Variants in EXOC3L4 observed in about 807,000 individuals in gnomAD.
EXOC3L4 encodes exocyst complex component 3 like 4, also known as exocyst complex component 3-like protein 4.
EXOC3L4 carries 62 observed loss-of-function variants against 69.7 expected under a neutral mutation model. That is an observed-to-expected ratio of 0.89 (90% CI 0.72 to 1.10). The LOEUF is 1.10. Among genes scored for constraint, EXOC3L4 ranks in the 50% least tolerant of loss-of-function variants. EXOC3L4 has a pLI of 0.00. For synonymous variants in EXOC3L4, 502 were observed against 464.2 expected, an observed-to-expected ratio of 1.08 and a Z score of -1.05; for missense variants, 1,087 against 1,034.8, an observed-to-expected ratio of 1.05 and a Z score of -0.69.
chr14:103,110,106 T>G lies in EXOC3L4; in HGVS notation c.2052T>G (p.Thr684=). ...RQRNQHLLQH[T]QDLLRAAAGA... ...GGAACCAGCATCTCTTGCAGCACAC[T>G]CAAGACCTGCTGAGAGCTGCGGCCG... Residue 684 remains threonine (T), a synonymous_variant, in exon 12 of 12, where the codon ACT becomes ACG. Coordinates refer to ENST00000688303, the MANE Select transcript of EXOC3L4 (RefSeq NM_001077594.2). The G allele has an allele frequency of 1.9e-6, 3 of 1,587,908 alleles. No homozygotes were observed. The highest frequency in any genetic ancestry group is 2.3e-5 in the South Asian group (2 of 87,578).
rs1414847685 is a variant in EXOC3L4, at chr14:103,097,632, C to T, written c.-16-2572C>T. Among the ~76,000 whole-genome samples the T allele has an allele frequency of 6.6e-6, 1 of 152,166 alleles. No individual in the cohort carries two copies. Among genetic ancestry groups the T allele is most frequent in the Non-Finnish European group, 1.5e-5 (1 of 68,026 alleles). On this transcript the variant is annotated intron_variant, in intron 1 of 11. Transcript: ENST00000688303. The surrounding 1 kb of genome is among the most constrained non-coding windows in gnomAD (Gnocchi z 4.9). ...GACCGGGGTAGATGGACAGAGGCTG[C>T]CAGCCCAGTGCAGGAGGGCCACATC...
At chr14:103,098,013 C>T (rs1037523575) in intron 1 of EXOC3L4, among the ~76,000 whole-genome samples, 1 of 151,988 alleles carries the variant, frequency 6.6e-6, no homozygotes, top group Non-Finnish European at 1.5e-5. Flanking sequence ...TGGACTTTTG[C>T]TTTGGGAAGG....
intron 1 of EXOC3L4, among the ~76,000 whole-genome samples, chr14:103,098,224 C>T (rs544438450): frequency 5.9e-5 from 9 of 152,212 alleles, no homozygotes; most frequent in African/African-American, 1.9e-4. Context: ...ACCCGGCGCT[C>T]GTCTGGGCTT....
chr14:103,095,640 G>A (rs1228835818), intron 1 of EXOC3L4, among the ~76,000 whole-genome samples: 2 of 152,236 alleles, frequency 1.3e-5, no homozygotes, highest in East Asian at 3.8e-4. Context: ...GCCAAGCTAA[G>A]GATGGAGCTG....
At chr14:103,103,548 G>A (rs1375343963) in intron 3 of EXOC3L4, 2 of 173,310 alleles carry the variant, frequency 1.2e-5, no homozygotes, top group Non-Finnish European at 2.4e-5. Flanking sequence ...CCACGGAGGT[G>A]GGGGAGGTTG....
intron 3 of EXOC3L4, 152 bp from the exon 4 acceptor site, chr14:103,103,789 C>CGTGTGTGTGTGTGTGT (rs1434118475): frequency 4.3e-6 from 2 of 461,024 alleles, no homozygotes; most frequent in African/African-American, 4.9e-5. Flanking sequence ...AGCCTAGAGG[C>CGTGTGTGTGTGTGTGT]GCGCGCGCGT....
intron 2 of EXOC3L4, among the ~76,000 whole-genome samples, chr14:103,101,219 T>A (rs1890171905): frequency 6.6e-6 from 1 of 152,130 alleles, no homozygotes; most frequent in Non-Finnish European, 1.5e-5. Flanking sequence ...TTTTTAAATT[T>A]GTTTTTATTT....
chr14:103,099,275 A>G (rs1566945063), intron 1 of EXOC3L4, among the ~76,000 whole-genome samples: 1 of 152,146 alleles, frequency 6.6e-6, no homozygotes, highest in Non-Finnish European at 1.5e-5. Flanking sequence ...TAAAGCCAGG[A>G]AAGCAAACAC....
intron 5 of EXOC3L4, 94 bp downstream of exon 5, chr14:103,104,483 C>G (rs1237990469): frequency 2.9e-6 from 4 of 1,403,316 alleles, no homozygotes; most frequent in Admixed American, 6.3e-5. Flanking sequence ...CCAGTCCCAA[C>G]CAACCCTTCC....
At chr14:103,103,801 T>G in intron 3 of EXOC3L4, 140 bp from the exon 4 acceptor site, 7 of 446,960 alleles carry the variant, frequency 1.6e-5, no homozygotes, top group Non-Finnish European at 2.4e-5. Context: ...CGCGCGCGTG[T>G]GTGTGTGTGT....
chr14:103,102,706 C>T lies in EXOC3L4; in HGVS notation c.983C>T (p.Ala328Val). The T allele has an allele frequency of 6.8e-7, 1 of 1,462,588 alleles. No individual in the cohort carries two copies. Among genetic ancestry groups the T allele is most frequent in the Non-Finnish European group, 9.0e-7 (1 of 1,111,574 alleles). The allele number at this position is 1,462,588 out of a possible 1,614,324, so 90.6% of individuals were successfully genotyped here. ...GTGGCCCAGCGCCTCCAGGAGCTCGCGCGCGACGCCCGCGGCTGCGAGCAG... is the reference window on the plus strand; with the variant it reads ...GTGGCCCAGCGCCTCCAGGAGCTCGTGCGCGACGCCCGCGGCTGCGAGCAG... ...SAVAQRLQELARDARGCEQLY... is the reference protein window; with the variant it reads ...SAVAQRLQELVRDARGCEQLY... Residue 328 changes from alanine to valine, a missense_variant, in exon 3 of 12, where the codon GCG (alanine) becomes GTG (valine). By Grantham distance (64) the Ala-to-Val change is moderately conservative. Coordinates refer to ENST00000688303, the MANE Select transcript of EXOC3L4 (RefSeq NM_001077594.2).
Position 103,108,508 on chromosome 14 carries a change from C to A in EXOC3L4, c.1967C>A (p.Pro656His). ...RHLETLIRSY[P>H]DIRRDHILAI... ...CTGGAGACTCTTATCCGGAGCTACC[C>A]CGACATCAGGTGTGTACCCCACCTG... Residue 656 changes from proline to histidine, a missense_variant, in exon 11 of 12, where the codon CCC becomes CAC. Physicochemically the swap from Pro to His is moderately conservative, Grantham distance 77. Transcript: ENST00000688303. 1 of 1,613,488 alleles carries A rather than the reference C, an allele frequency of 6.2e-7. No homozygotes were observed. Among genetic ancestry groups the A allele is most frequent in the Non-Finnish European group, 8.5e-7 (1 of 1,179,604 alleles).
In EXOC3L4 at chr14:103,110,352, G is replaced by T. The variant is rs373738663; in HGVS notation, c.*129G>T. 2.6e-6 allele frequency: 3 copies of T among 1,148,758 alleles called. No homozygotes were observed. Among genetic ancestry groups the T allele is most frequent in the Non-Finnish European group, 2.5e-6 (2 of 795,778 alleles). 71.2% of individuals were successfully genotyped at this position (1,148,758 alleles called of 1,614,324 possible). ...ACACTGCAGTTAGGGAATTTTTGTC[G>T]TCAGCAGCCAAGCGCAGCTGTCAGG... On this transcript the variant is annotated 3_prime_UTR_variant, in exon 12 of 12. Coordinates refer to ENST00000688303, the MANE Select transcript of EXOC3L4 (RefSeq NM_001077594.2).
In EXOC3L4 at chr14:103,100,293, C is replaced by T; in HGVS notation, c.74C>T (p.Pro25Leu). The change falls in exon 2 of 12, where the codon CCA becomes CTA. Residue 25 changes from proline to leucine, a missense_variant. Transcript: ENST00000688303. The stretch of plus-strand genomic sequence containing the variant: ...AAGGAGGCTGAGGAGCCACAGACTC[C>T]AGCTCAGGGCTCCCGGCGAACAAGC... Reference protein sequence around the residue: ...SPKEAEEPQTPAQGSRRTSSR... With the variant: ...SPKEAEEPQTLAQGSRRTSSR... 3 of 1,580,668 alleles carry T rather than the reference C, an allele frequency of 1.9e-6. No individual in the cohort carries two copies. Among genetic ancestry groups the T allele is most frequent in the East Asian group, 2.3e-5 (1 of 43,438 alleles).
At position 103,097,822 on chromosome 14, in the gene EXOC3L4, C is replaced by T. The variant is rs902174561; in HGVS notation, c.-16-2382C>T. ...GGAAGCTGGAGGCTGGGCGTGCAGC[C>T]GGGAGGACAGAGAAGAAGCTGGGTG... On this transcript the variant is annotated intron_variant, in intron 1 of 11. Coordinates refer to ENST00000688303, the MANE Select transcript of EXOC3L4 (RefSeq NM_001077594.2). This position sits in a 1 kb window ranked among gnomAD's most constrained non-coding sequence, Gnocchi z 4.9. 5.3e-5 allele frequency among the ~76,000 whole-genome samples: 8 copies of T among 151,934 alleles called. No homozygotes were observed. Among genetic ancestry groups the T allele is most frequent in the South Asian group, 2.1e-4 (1 of 4,796 alleles).
At chr14:103,107,279 T>C (rs1039560273) in intron 8 of EXOC3L4, 145 bp from the exon 9 acceptor site, 17 of 1,297,298 alleles carry the variant, frequency 1.3e-5, no homozygotes, top group Non-Finnish European at 1.6e-5. Context: ...GGGAAAGGGC[T>C]CGTGACATAA....
intron 10 of EXOC3L4, 65 bp downstream of exon 10, chr14:103,107,848 G>C (rs777329184): frequency 8.3e-6 from 12 of 1,453,686 alleles, no homozygotes; most frequent in Non-Finnish European, 1.1e-5. Flanking sequence ...AGTGACTAGG[G>C]CCTTAGCGCC....
intron 6 of EXOC3L4, 43 bp from the exon 7 acceptor site, chr14:103,104,949 C>T: frequency 1.3e-6 from 2 of 1,587,976 alleles, no homozygotes; most frequent in African/African-American, 1.3e-5. Context: ...GGTCATCGCG[C>T]AGCTAGGGAG....
In EXOC3L4 at chr14:103,107,639, G is replaced by A; in HGVS notation, c.1710G>A (p.Leu570=). ...RVARPRAQET[L]QEVHRFVVRE... Reference sequence around the variant, plus strand: ...GACCCTGGGCCGCCCAGGAGACTCTGCAGGAGGTGCACCGGTTCGTGGTCC... The same window carrying A: ...GACCCTGGGCCGCCCAGGAGACTCTACAGGAGGTGCACCGGTTCGTGGTCC... The change falls in exon 10 of 12, where the codon CTG becomes CTA. Residue 570 remains leucine (L), a synonymous_variant. Transcript: ENST00000688303. The A allele has an allele frequency of 1.3e-6, 2 of 1,588,890 alleles. No homozygotes were observed. Among genetic ancestry groups the A allele is most frequent in the Non-Finnish European group, 1.7e-6 (2 of 1,166,580 alleles).
Sources: allele counts gnomAD v4.1 joint callset (sites outside exome capture counted in the v4.1 genomes callset), GRCh38; gene constraint gnomAD v4.1.1; non-coding constraint Gnocchi (gnomAD v3.1); transcripts MANE v1.5; gene names NCBI Gene and HGNC (gene_info 2026-07-23, HGNC 2026-07-21).